The following DLGAP2 variants were observed in gnomAD, a reference collection of about 807,000 sequenced individuals.
DLGAP2 encodes DLG associated protein 2.
Under a neutral mutation model 100.3 loss-of-function variants are expected in DLGAP2, and 26 were observed. The ratio of observed to expected loss-of-function variants is 0.26; its 90% CI spans 0.19 to 0.36. The LOEUF (loss-of-function observed/expected upper bound fraction) is 0.36. Ranked by LOEUF, DLGAP2 falls within the 10% of genes least tolerant of loss-of-function variation. The pLI is 1.00. For missense variants in DLGAP2, 1,858 were observed against 1,453.2 expected (o/e 1.28, Z -4.53); for synonymous variants, 886 against 630.1 (o/e 1.41, Z -6.08).
rs115477901 is a variant in DLGAP2 at position 1,575,129 on chromosome 8, A to T, written c.1442+9235A>T. Among the ~76,000 whole-genome samples, 1,079 of 152,266 alleles carry T rather than the reference A, an allele frequency of 7.1e-3. 10 individuals are homozygous for T. Among genetic ancestry groups the T allele is most frequent in the African/African-American group, 0.024 (998 of 41,536 alleles). ...ACGACAGAGTTTCTTCCTCTTTAGG[A>T]GTGACTAGTATTCCACACCGTATCT... On this transcript the variant is annotated intron_variant, in intron 6 of 14. Transcript: ENST00000637795.
chr8:1,282,970 C>T (rs73670708), intron 3 of DLGAP2, among the ~76,000 whole-genome samples: 510 of 101,558 alleles, frequency 5.0e-3, no homozygotes, highest in African/African-American at 8.9e-3. Flanking sequence ...ACCATCTGGA[C>T]GTGGTGTGAC....
intron 3 of DLGAP2, among the ~76,000 whole-genome samples, chr8:1,341,411 G>A (rs1462735158): frequency 6.6e-6 from 1 of 152,086 alleles, no homozygotes; most frequent in Non-Finnish European, 1.5e-5. Flanking sequence ...ATTATTCATA[G>A]CCAAATTGTT....
At chr8:1,576,082 C>T (rs1256827502) in intron 6 of DLGAP2, among the ~76,000 whole-genome samples, 7 of 152,138 alleles carry the variant, frequency 4.6e-5, no homozygotes, top group African/African-American at 9.7e-5. Context: ...ACAGTCCCAC[C>T]AACAGTGTAA....
At chr8:1,578,346 G>C (rs1054923449) in intron 6 of DLGAP2, among the ~76,000 whole-genome samples, 1 of 152,178 alleles carries the variant, frequency 6.6e-6, no homozygotes, top group African/African-American at 2.4e-5. Flanking sequence ...TGATAGGTAT[G>C]GGTTCAGGTT....
Position 1,329,614 on chromosome 8 carries a change from C to G in DLGAP2, c.106+70731C>G, listed in dbSNP as rs138758466. Among the ~76,000 whole-genome samples, 651 of 152,236 alleles carry G rather than the reference C, an allele frequency of 4.3e-3. 2 individuals carry two copies. The highest frequency in any genetic ancestry group is 0.015 in the African/African-American group (617 of 41,528). ...CTCCGTCCTGGTTCTGTGCCGGGTCCTGGGGTAGCCGAGGGGAATGAACAT... is the reference window on the plus strand; with the variant it reads ...CTCCGTCCTGGTTCTGTGCCGGGTCGTGGGGTAGCCGAGGGGAATGAACAT... On this transcript the variant is annotated intron_variant, in intron 3 of 14. Transcript: ENST00000637795.
chr8:1,378,685 T>G (rs1446777422), intron 3 of DLGAP2, among the ~76,000 whole-genome samples: 1 of 152,266 alleles, frequency 6.6e-6, no homozygotes, highest in Admixed American at 6.5e-5. Context: ...ACAGGCTCCA[T>G]CTTCCTCTGT....
chr8:1,018,997 C>G (rs1015617934), intron 2 of DLGAP2: 2 of 152,138 alleles, frequency 1.3e-5, no homozygotes, highest in African/African-American at 2.4e-5. Flanking sequence ...CGCTTGTCCA[C>G]TCGTCTGACA....
At chr8:1,423,880 G>A (rs1387504156) in intron 3 of DLGAP2, among the ~76,000 whole-genome samples, 1 of 152,202 alleles carries the variant, frequency 6.6e-6, no homozygotes, top group Non-Finnish European at 1.5e-5. Context: ...TCCCTGCATG[G>A]AAACATCAAG....
chr8:1,029,630 C>A (rs1045906456), intron 2 of DLGAP2, among the ~76,000 whole-genome samples: 2 of 144,848 alleles, frequency 1.4e-5, no homozygotes. Flanking sequence ...CCTAGGGTGT[C>A]CAGCAGTGCT....
At chr8:1,151,168 C>T (rs1413734615) in intron 2 of DLGAP2, among the ~76,000 whole-genome samples, 1 of 152,150 alleles carries the variant, frequency 6.6e-6, no homozygotes, top group Non-Finnish European at 1.5e-5. Flanking sequence ...TAACCACGTC[C>T]CTGCAGAGGA....
intron 2 of DLGAP2, among the ~76,000 whole-genome samples, chr8:967,959 G>GTATC (rs1799921603): frequency 6.8e-6 from 1 of 147,228 alleles, no homozygotes; most frequent in South Asian, 2.2e-4. Flanking sequence ...CTTTACGTCA[G>GTATC]TATCTTCACT....
chr8:1,353,891 A>G (rs913914623), intron 3 of DLGAP2, among the ~76,000 whole-genome samples: 32 of 152,286 alleles, frequency 2.1e-4, no homozygotes, highest in African/African-American at 6.0e-4. Context: ...CCTAGAGGGG[A>G]AAAAAATCAG....
chr8:1,162,596 C>G (rs1023074760), intron 2 of DLGAP2, among the ~76,000 whole-genome samples: 19 of 152,156 alleles, frequency 1.2e-4, no homozygotes, highest in Non-Finnish European at 2.5e-4. Flanking sequence ...AAATGATGTG[C>G]AATGTGAGCG....
Position 1,549,489 on chromosome 8 carries a change from A to C in DLGAP2, c.1036A>C (p.Asn346His), listed in dbSNP as rs1287198141. 1 of 1,613,422 alleles carries C rather than the reference A, an allele frequency of 6.2e-7. No individual in the cohort carries two copies. The highest frequency in any genetic ancestry group is 8.5e-7 in the Non-Finnish European group (1 of 1,179,836). Residue 346 changes from asparagine (N) to histidine (H), a missense_variant, in exon 5 of 15, where the codon AAC becomes CAC. By Grantham distance (68) the Asn-to-His change is moderately conservative. Transcript: ENST00000637795. ...CCTGTCCCTCAAGACCTCCAAGAGC[A>C]ACAACGACGTCAAGTGCTCGGCCTG... ...GDLSLKTSKS[N>H]NDVKCSACEG...
chr8:1,124,038 A>G (rs1480867978), intron 2 of DLGAP2, among the ~76,000 whole-genome samples: 3 of 151,988 alleles, frequency 2.0e-5, no homozygotes, highest in African/African-American at 7.2e-5. Flanking sequence ...TCAGCCCTTC[A>G]TTTTCCCTGT....
At chr8:1,160,671 A>C (rs987490788) in intron 2 of DLGAP2, among the ~76,000 whole-genome samples, 1 of 152,218 alleles carries the variant, frequency 6.6e-6, no homozygotes, top group Non-Finnish European at 1.5e-5. Context: ...TGTGTGTGTA[A>C]TGAGGCTAAC....
chr8:1,319,258 T>C lies in DLGAP2; in HGVS notation c.106+60375T>C, dbSNP rs1022666350. 3.3e-5 allele frequency among the ~76,000 whole-genome samples: 5 copies of C among 152,292 alleles called. No individual in the cohort carries two copies. In the East Asian group the frequency reaches 9.7e-4, roughly 29 times the overall value. On this transcript the variant is annotated intron_variant, in intron 3 of 14. Transcript: ENST00000637795. ...AAGTTCTCAGCTAAGCTCTCTGGAA[T>C]TGTTACCACCGCCTCTGCCACAATG...
intron 6 of DLGAP2, among the ~76,000 whole-genome samples, chr8:1,591,079 C>T (rs368766696): frequency 6.6e-6 from 1 of 152,182 alleles, no homozygotes; most frequent in Admixed American, 6.5e-5. Context: ...AACCCCATGC[C>T]GGCAGCTGCA....
At chr8:766,918 G>C (rs2132599378) in intron 1 of DLGAP2, among the ~76,000 whole-genome samples, 1 of 152,242 alleles carries the variant, frequency 6.6e-6, no homozygotes. Context: ...AGACCCGGGT[G>C]GGCAACAGTG....
Sources: allele counts gnomAD v4.1 joint callset (sites outside exome capture counted in the v4.1 genomes callset), GRCh38; gene constraint gnomAD v4.1.1; transcripts MANE v1.5; gene names NCBI Gene and HGNC (gene_info 2026-07-23, HGNC 2026-07-21).